DNAH8: variants seen among roughly 807,000 people sequenced by gnomAD.
DNAH8 encodes the protein axonemal beta dynein heavy chain 8.
A neutral mutation model predicts 562.1 loss-of-function variants in DNAH8; 382 were observed. The ratio of observed to expected loss-of-function variants is 0.68; its 90% CI spans 0.63 to 0.74. The LOEUF is 0.74. Among genes scored for constraint, DNAH8 ranks in the 30% least tolerant of loss-of-function variants. The probability of loss-of-function intolerance (pLI) is 0.00; values close to 1 mark genes in which losing one functional copy is unlikely to be tolerated. For missense variants in DNAH8, 5,203 were observed against 5,620.4 expected (o/e 0.93, Z 2.37); for synonymous variants, 1,881 against 1,919.4 (o/e 0.98, Z 0.52).
chr6:39,028,392 C>G (rs1767437750), intron 92 of DNAH8, among the ~76,000 whole-genome samples: 1 of 152,216 alleles, frequency 6.6e-6, no homozygotes, highest in Non-Finnish European at 1.5e-5. Flanking sequence ...AAATCTTGTT[C>G]TAAGCTTCTC....
intron 11 of DNAH8, chr6:38,764,360 A>G (rs1051904094): frequency 1.3e-5 from 2 of 153,304 alleles, no homozygotes; most frequent in African/African-American, 4.8e-5. Context: ...GAACAAATTC[A>G]ATATGGGAAG....
chr6:38,923,016 C>G, intron 71 of DNAH8, 42 bp from the exon 72 acceptor site: 1 of 1,590,636 alleles, frequency 6.3e-7, no homozygotes. Context: ...GTGTTAAGCA[C>G]TTAGAAAAGT....
chr6:38,723,516 A>T, intron 3 of DNAH8, 45 bp downstream of exon 3: 1 of 1,565,070 alleles, frequency 6.4e-7, no homozygotes, highest in Non-Finnish European at 8.6e-7. Context: ...CCTTTGAGTA[A>T]GTGATTAACT....
chr6:38,867,958 A>G, intron 47 of DNAH8, 104 bp from the exon 48 acceptor site: 1 of 1,173,498 alleles, frequency 8.5e-7, no homozygotes, highest in Non-Finnish European at 1.2e-6. Context: ...CCCCAAAACT[A>G]TCCCATATAA....
intron 82 of DNAH8, 99 bp from the exon 83 acceptor site, chr6:38,971,492 AC>A: frequency 1.5e-6 from 1 of 675,060 alleles, no homozygotes; most frequent in South Asian, 4.3e-5. Context: ...TTTTTTAGAA[AC>A]AATAGAAGGA....
At chr6:38,882,759 A>G in intron 53 of DNAH8, 151 bp from the exon 54 acceptor site, 1 of 547,312 alleles carries the variant, frequency 1.8e-6, no homozygotes, top group Non-Finnish European at 3.1e-6. Flanking sequence ...CTGTAGACAT[A>G]AGATAAGCAG....
At chr6:38,804,957 G>A (rs756032323) in intron 22 of DNAH8, among the ~76,000 whole-genome samples, 50 of 151,920 alleles carry the variant, frequency 3.3e-4, no homozygotes, top group Non-Finnish European at 6.8e-4. Context: ...GGCTTCTGGT[G>A]GATAAGGGCC....
intron 77 of DNAH8, 71 bp from the exon 78 acceptor site, chr6:38,937,903 T>C: frequency 6.5e-7 from 1 of 1,531,682 alleles, no homozygotes; most frequent in Admixed American, 2.1e-5. Context: ...TTTTTTTTTT[T>C]CAGAAGAGAT....
chr6:38,899,759 T>C lies in DNAH8; in HGVS notation c.9064-17T>C. ...GCATTCTTTTTTCAAATAAGCACGT[T>C]TTAAATCTCAAAACAGATTTCACGA... On this transcript the variant is annotated splice_polypyrimidine_tract_variant and intron_variant, in intron 61 of 92. Coordinates refer to ENST00000327475, the MANE Select transcript of DNAH8 (RefSeq NM_001206927.2). 6.2e-7 allele frequency: 1 copy of C among 1,613,150 alleles called. No homozygotes were observed. The highest frequency in any genetic ancestry group is 8.5e-7 in the Non-Finnish European group (1 of 1,179,432).
chr6:38,950,126 A>C (rs759735868), intron 81 of DNAH8, among the ~76,000 whole-genome samples: 10 of 151,676 alleles, frequency 6.6e-5, no homozygotes, highest in Non-Finnish European at 1.3e-4. Flanking sequence ...CACTGTTTAC[A>C]TTTTCTCAGT....
At chr6:38,775,563 A>C (rs1767981857) in intron 12 of DNAH8, among the ~76,000 whole-genome samples, 191 bp from the exon 13 acceptor site, 1 of 152,212 alleles carries the variant, frequency 6.6e-6, no homozygotes, top group African/African-American at 2.4e-5. Flanking sequence ...CTTCTGTCTT[A>C]GTCTAAGAGT....
At chr6:38,756,670 C>G (rs191467540) in intron 10 of DNAH8, among the ~76,000 whole-genome samples, 1 of 143,040 alleles carries the variant, frequency 7.0e-6, no homozygotes, top group Admixed American at 7.1e-5. Flanking sequence ...TCCCTCCCCC[C>G]TCCCTCCACC....
chr6:39,010,272 C>G, intron 89 of DNAH8, among the ~76,000 whole-genome samples: 1 of 152,106 alleles, frequency 6.6e-6, no homozygotes, highest in Non-Finnish European at 1.5e-5. Context: ...TAGAAGAGAT[C>G]TTTCTTGAAC....
At chr6:38,820,731 C>T (rs573632365) in intron 26 of DNAH8, among the ~76,000 whole-genome samples, 2 of 152,192 alleles carry the variant, frequency 1.3e-5, no homozygotes, top group South Asian at 4.1e-4. Context: ...TCCTAAAATA[C>T]ACCATATGAA....
chr6:38,831,806 T>C (rs1360354595), intron 30 of DNAH8, among the ~76,000 whole-genome samples: 4 of 152,222 alleles, frequency 2.6e-5, no homozygotes, highest in African/African-American at 9.6e-5. Flanking sequence ...AGAGTTAACA[T>C]ATATAAAGAG....
intron 65 of DNAH8, 44 bp downstream of exon 65, chr6:38,909,788 T>G: frequency 1.4e-6 from 2 of 1,473,452 alleles, no homozygotes; most frequent in Non-Finnish European, 1.9e-6. Flanking sequence ...AACCACAGCA[T>G]GTATTCCCAA....
chr6:39,011,735 A>G (rs1766224968), intron 89 of DNAH8, among the ~76,000 whole-genome samples: 1 of 152,242 alleles, frequency 6.6e-6, no homozygotes, highest in African/African-American at 2.4e-5. Flanking sequence ...AGCTAAGGCA[A>G]CAATGATCTT....
chr6:38,965,475 G>A (rs935265644), intron 82 of DNAH8, among the ~76,000 whole-genome samples: 1 of 152,230 alleles, frequency 6.6e-6, no homozygotes, highest in South Asian at 2.1e-4. Context: ...ATATGCTCCT[G>A]TATTTTTCAA....
chr6:38,851,433 T>C (rs761083160), intron 38 of DNAH8, 139 bp from the exon 39 acceptor site: 1 of 584,784 alleles, frequency 1.7e-6, no homozygotes, highest in Non-Finnish European at 3.0e-6. Flanking sequence ...TCACCAAACA[T>C]TGCAGGGGTA....
Sources: allele counts gnomAD v4.1 joint callset (sites outside exome capture counted in the v4.1 genomes callset), GRCh38; gene constraint gnomAD v4.1.1; transcripts MANE v1.5; gene names NCBI Gene and HGNC (gene_info 2026-07-23, HGNC 2026-07-21).